Variants in SLC27A4 observed in about 807,000 individuals in gnomAD.
SLC27A4 encodes long-chain fatty acid transport protein 4.
In SLC27A4, 33 loss-of-function variants were observed where a neutral mutation model predicts 64.4. That is an observed-to-expected ratio of 0.51 (90% CI 0.39 to 0.68). The LOEUF (loss-of-function observed/expected upper bound fraction) is 0.68, where lower values mean the gene tolerates loss of function less well. SLC27A4 is among the 30% of genes least tolerant of loss of function. The probability of loss-of-function intolerance (pLI) is 0.00; values close to 1 mark genes in which losing one functional copy is unlikely to be tolerated. For synonymous variants in SLC27A4, 377 were observed against 370.0 expected (o/e 1.02, Z -0.22); for missense variants, 824 against 883.5 (o/e 0.93, Z 0.85).
chr9:128,352,195 A>G (rs1484289063), intron 6 of SLC27A4, among the ~76,000 whole-genome samples: 1 of 134,872 alleles, frequency 7.4e-6, no homozygotes, highest in Non-Finnish European at 1.5e-5. Flanking sequence ...ACTCCGTCTC[A>G]AAAAAAAAAA....
Position 128,348,563 on chromosome 9 carries a change from C to G in SLC27A4, c.575C>G (p.Ala192Gly), listed in dbSNP as rs1832690306. 1 of 1,613,088 alleles carries G rather than the reference C, an allele frequency of 6.2e-7. No individual in the cohort carries two copies. Among genetic ancestry groups the G allele is most frequent in the African/African-American group, 1.3e-5 (1 of 74,938 alleles). The change falls in exon 4 of 13, where the codon GCC (alanine) becomes GGC (glycine). Residue 192 changes from alanine to glycine, a missense_variant. Coordinates refer to ENST00000300456, the MANE Select transcript of SLC27A4 (RefSeq NM_005094.4). ...CCCACAGCCATCTGTGAGGTCCATG[C>G]CAGCCTGGACCCCTCGCTCAGCCTC... ...EMASAICEVHASLDPSLSLFC... is the reference protein window; with the variant it reads ...EMASAICEVHGSLDPSLSLFC...
chr9:128,352,862 T>TCCAA, intron 7 of SLC27A4, 115 bp downstream of exon 7: 1 of 1,079,054 alleles, frequency 9.3e-7, no homozygotes, highest in Non-Finnish European at 1.4e-6. Context: ...AAGGGCTCAT[T>TCCAA]TGTGGCAAAG....
chr9:128,357,845 T>C (rs1291436386), intron 12 of SLC27A4, among the ~76,000 whole-genome samples: 1 of 152,216 alleles, frequency 6.6e-6, no homozygotes, highest in Non-Finnish European at 1.5e-5. Context: ...CCCTAGCCAA[T>C]GTGGCTTCTG....
At chr9:128,342,442 A>C in intron 1 of SLC27A4, 1 of 1,580,014 alleles carries the variant, frequency 6.3e-7, no homozygotes, top group Non-Finnish European at 8.7e-7. Flanking sequence ...TAGCTGTTTA[A>C]CTTTGTAAGA....
intron 6 of SLC27A4, among the ~76,000 whole-genome samples, chr9:128,351,584 G>A (rs1832737142): frequency 6.6e-6 from 1 of 151,918 alleles, no homozygotes; most frequent in Admixed American, 6.6e-5. Context: ...GGGCTTGGTG[G>A]CGGGTGCCTG....
rs1448709376 is a variant in SLC27A4 at position 128,345,283 on chromosome 9, G to A, written c.290G>A (p.Gly97Asp). ...GACAAGACGGCCCTGATCTTCGAGG[G>A]CACAGATACCCACTGGACCTTCCGC... is the stretch of plus-strand genomic sequence containing the variant. ...HPDKTALIFEGTDTHWTFRQL... is the reference protein window; with the variant it reads ...HPDKTALIFEDTDTHWTFRQL... The change falls in exon 3 of 13, where the codon GGC (glycine) becomes GAC (aspartate). Residue 97 changes from glycine to aspartate, a missense_variant. Gly to Asp is a moderately conservative substitution (Grantham distance 94). Transcript: ENST00000300456. This position sits in a 1 kb window ranked among gnomAD's most constrained non-coding sequence, Gnocchi z 4.1. 4.3e-6 allele frequency: 7 copies of A among 1,613,806 alleles called. 1 individual carries two copies. In the South Asian group the frequency reaches 5.5e-5, roughly 13 times the overall value.
At chr9:128,356,146 CAG>C (rs1832817776) in intron 12 of SLC27A4, among the ~76,000 whole-genome samples, 1 of 152,030 alleles carries the variant, frequency 6.6e-6, no homozygotes, top group Non-Finnish European at 1.5e-5. Flanking sequence ...TAGAGTTAAA[CAG>C]ATAAAAAGAA....
chr9:128,350,257 C>A, intron 4 of SLC27A4, 55 bp from the exon 5 acceptor site: 2 of 1,482,698 alleles, frequency 1.3e-6, no homozygotes, highest in South Asian at 1.1e-5. Context: ...ATTTGTGTGA[C>A]CCTTTGCCCA....
chr9:128,350,326 A>T lies in SLC27A4; in HGVS notation c.730A>T (p.Ile244Phe). Residue 244 changes from isoleucine to phenylalanine, a missense_variant, in exon 5 of 13, where the codon ATC becomes TTC. By Grantham distance (21) the Ile-to-Phe change is conservative. Coordinates refer to ENST00000300456, the MANE Select transcript of SLC27A4 (RefSeq NM_005094.4). Reference protein sequence around the residue: ...DKGFTDKLFYIYTSGTTGLPK... With the variant: ...DKGFTDKLFYFYTSGTTGLPK... ...GTTTTCTTTAGATAAACTGTTCTACATCTACACATCCGGCACCACAGGGCT... is the reference window on the plus strand; with the variant it reads ...GTTTTCTTTAGATAAACTGTTCTACTTCTACACATCCGGCACCACAGGGCT... 6.2e-7 allele frequency: 1 copy of T among 1,613,100 alleles called. No individual in the cohort carries two copies. Among genetic ancestry groups the T allele is most frequent in the Non-Finnish European group, 8.5e-7 (1 of 1,180,024 alleles).
chr9:128,350,128 A>G (rs1220532874), intron 4 of SLC27A4, among the ~76,000 whole-genome samples, 184 bp from the exon 5 acceptor site: 1 of 152,204 alleles, frequency 6.6e-6, no homozygotes, highest in Non-Finnish European at 1.5e-5. Flanking sequence ...GGCCCAGGAA[A>G]TATTTGTTGG....
chr9:128,344,949 G>C (rs1289013852), intron 2 of SLC27A4, among the ~76,000 whole-genome samples: 2 of 152,182 alleles, frequency 1.3e-5, no homozygotes, highest in African/African-American at 2.4e-5. Context: ...TTCTGTGTAA[G>C]GGGAGGGGAA....
rs755972169 is a variant in SLC27A4, at chr9:128,345,257, C to T, written c.264C>T (p.Pro88=). The T allele has an allele frequency of 4.3e-6, 7 of 1,613,842 alleles. No individual in the cohort carries two copies. The highest frequency in any genetic ancestry group is 1.7e-5 in the Admixed American group (1 of 59,992). ...ILFASTVRRH[P]DKTALIFEGT... ...TTGCCTCTACCGTTCGGCGCCACCC[C>T]GACAAGACGGCCCTGATCTTCGAGG... Residue 88 remains proline (P), a synonymous_variant, in exon 3 of 13, where the codon CCC becomes CCT. Transcript: ENST00000300456. The surrounding 1 kb of genome is among the most constrained non-coding windows in gnomAD (Gnocchi z 4.1).
At chr9:128,342,609 C>T (rs886370723) in intron 1 of SLC27A4, 5 of 472,470 alleles carry the variant, frequency 1.1e-5, no homozygotes, top group South Asian at 2.0e-5. Context: ...TGGGGTGGGA[C>T]GACAGTGAAA....
chr9:128,346,642 C>T (rs1832661630), intron 3 of SLC27A4, among the ~76,000 whole-genome samples: 1 of 151,784 alleles, frequency 6.6e-6, no homozygotes, highest in African/African-American at 2.4e-5. Flanking sequence ...GTTGAGGCTG[C>T]AGTGAGTGAT....
At chr9:128,342,741 G>A in intron 1 of SLC27A4, 1 of 323,486 alleles carries the variant, frequency 3.1e-6, no homozygotes, top group Non-Finnish European at 6.1e-6. Context: ...TTTTTAATAT[G>A]CAAATAAAAA....
chr9:128,345,543 G>C lies in SLC27A4; in HGVS notation c.550G>C (p.Ala184Pro), dbSNP rs1211449546. 6.2e-7 allele frequency: 1 copy of C among 1,604,090 alleles called. No homozygotes were observed. Among genetic ancestry groups the C allele is most frequent in the African/African-American group, 1.3e-5 (1 of 74,984 alleles). ...GGCCCTTGTCTTTGGCAGCGAAATG[G>C]CCTCAGGTGAGCCCCAAGGGGGCGG... ...ARALVFGSEM[A>P]SAICEVHASL... The change falls in exon 3 of 13, where the codon GCC (alanine) becomes CCC (proline). Residue 184 changes from alanine (A) to proline (P), a missense_variant. Physicochemically the swap from Ala to Pro is conservative, Grantham distance 27 (BLOSUM62 -1). Transcript: ENST00000300456. The surrounding 1 kb of genome is among the most constrained non-coding windows in gnomAD (Gnocchi z 4.1).
At chr9:128,341,263 C>T (rs1832567807) in intron 1 of SLC27A4, among the ~76,000 whole-genome samples, 1 of 152,192 alleles carries the variant, frequency 6.6e-6, no homozygotes, top group Admixed American at 6.5e-5. Context: ...CTTGGAGGCT[C>T]TCAGGCCATT....
chr9:128,342,859 A>G, intron 1 of SLC27A4: 1 of 556,102 alleles, frequency 1.8e-6, no homozygotes, highest in Non-Finnish European at 3.3e-6. Flanking sequence ...TCACTTGGAG[A>G]ATGGTGGGCA....
rs1312502881 is a variant in SLC27A4 at position 128,360,476 on chromosome 9, CGAG to C, written c.1921_1923del (p.Glu641del). 4 of 1,613,944 alleles carry C rather than the reference CGAG, an allele frequency of 2.5e-6. No individual in the cohort carries two copies. Among genetic ancestry groups the C allele is most frequent in the South Asian group, 1.1e-5 (1 of 91,076 alleles). On this transcript the variant is annotated inframe_deletion, in exon 13 of 13. Transcript: ENST00000300456. ...AGGCCTACAGCCGCATCCAGGCAGG[CGAG>C]GAGAAGCTGTGATTCCCCCCATCCC...
Sources: gnomAD v4.1 joint callset for allele counts (sites outside exome capture counted in the v4.1 genomes callset) on GRCh38, gnomAD v4.1.1 for gene constraint, Gnocchi (gnomAD v3.1) non-coding constraint, MANE v1.5 for transcripts, NCBI Gene and HGNC (gene_info 2026-07-23, HGNC 2026-07-21) for gene names.